SAMMSON: variants seen among roughly 807,000 people sequenced by gnomAD.
SAMMSON encodes survival associated mitochondrial melanoma specific oncogenic non-coding RNA, also known as long intergenic non-protein coding RNA 1212.
chr3:70,218,009 G>A (rs1701431126), intron 4 of SAMMSON, among the ~76,000 whole-genome samples: 1 of 152,116 alleles, frequency 6.6e-6, no homozygotes, highest in African/African-American at 2.4e-5. Context: ...ACAGGAGCGA[G>A]GGAACAGAGG....
intron 4 of SAMMSON, among the ~76,000 whole-genome samples, chr3:70,102,869 C>G (rs2067351503): frequency 6.6e-6 from 1 of 152,156 alleles, no homozygotes; most frequent in Non-Finnish European, 1.5e-5. Context: ...TTGGCCCAGC[C>G]TTATTCCCCT....
intron 9 of SAMMSON, among the ~76,000 whole-genome samples, chr3:70,361,664 G>C (rs1702871565): frequency 6.6e-6 from 1 of 152,128 alleles, no homozygotes; most frequent in South Asian, 2.1e-4. Context: ...TAAATACAAA[G>C]TTGTGCATAC....
intron 4 of SAMMSON, among the ~76,000 whole-genome samples, chr3:70,226,141 G>A (rs1240605141): frequency 6.6e-6 from 1 of 152,148 alleles, no homozygotes; most frequent in Non-Finnish European, 1.5e-5. Context: ...AGATAAATTT[G>A]AAGGAGGACA....
chr3:70,048,157 G>A (rs1238475936), intron 3 of SAMMSON, among the ~76,000 whole-genome samples: 2 of 151,882 alleles, frequency 1.3e-5, no homozygotes, highest in African/African-American at 4.8e-5. Context: ...AATACGTACT[G>A]TGCTACCGGC....
At chr3:70,104,060 G>A (rs973003361) in intron 4 of SAMMSON, among the ~76,000 whole-genome samples, 1 of 147,910 alleles carries the variant, frequency 6.8e-6, no homozygotes, top group African/African-American at 2.5e-5. Flanking sequence ...CTAAGCTTCT[G>A]TGGTAGAACG....
At chr3:70,131,039 C>T (rs968723620) in intron 4 of SAMMSON, among the ~76,000 whole-genome samples, 6 of 152,078 alleles carry the variant, frequency 3.9e-5, no homozygotes, top group African/African-American at 7.2e-5. Flanking sequence ...AGTATATAAC[C>T]ATTGTTTGGT....
chr3:70,069,487 T>C (rs2067222170), intron 3 of SAMMSON: 1 of 152,076 alleles, frequency 6.6e-6, no homozygotes, highest in African/African-American at 2.4e-5. Context: ...GCTGGACACT[T>C]ACTGTAGTAG....
chr3:70,290,802 G>T (rs142105516), intron 6 of SAMMSON, among the ~76,000 whole-genome samples: 25 of 152,292 alleles, frequency 1.6e-4, no homozygotes, highest in African/African-American at 5.5e-4. Context: ...CGCAGTATTC[G>T]GGTGGGAGTG....
chr3:70,158,541 AC>A (rs1387803002), intron 4 of SAMMSON, among the ~76,000 whole-genome samples: 1 of 148,294 alleles, frequency 6.7e-6, no homozygotes, highest in African/African-American at 2.5e-5. Flanking sequence ...TTGGGTGGAC[AC>A]TTTTTTTTTT....
At chr3:70,127,250 A>T (rs1483309904) in intron 4 of SAMMSON, 1 of 152,198 alleles carries the variant, frequency 6.6e-6, no homozygotes, top group African/African-American at 2.4e-5. Context: ...GTTTACATCC[A>T]TACTTTATCA....
At chr3:70,367,657 G>A (rs1702932060) in intron 9 of SAMMSON, among the ~76,000 whole-genome samples, 1 of 151,518 alleles carries the variant, frequency 6.6e-6, no homozygotes, top group African/African-American at 2.4e-5. Flanking sequence ...TCCATAGCTT[G>A]ACTATTGTGA....
At chr3:70,330,670 A>G (rs1457864673) in intron 7 of SAMMSON, among the ~76,000 whole-genome samples, 4 of 152,238 alleles carry the variant, frequency 2.6e-5, no homozygotes, top group African/African-American at 7.2e-5. Context: ...CTGTTGGTTT[A>G]AAAGTAACCA....
At chr3:70,258,553 T>C (rs1701838660) in intron 6 of SAMMSON, among the ~76,000 whole-genome samples, 2 of 152,158 alleles carry the variant, frequency 1.3e-5, no homozygotes, top group African/African-American at 4.8e-5. Context: ...TAAGTTAGTA[T>C]GATCTGAATT....
intron 6 of SAMMSON, among the ~76,000 whole-genome samples, chr3:70,274,056 CGTGTGT>C (rs111792704): frequency 2.8e-5 from 4 of 142,852 alleles, no homozygotes; most frequent in Non-Finnish European, 4.6e-5. Context: ...ATTAAACCTC[CGTGTGT>C]GTGTGTGTGT....
intron 4 of SAMMSON, among the ~76,000 whole-genome samples, chr3:70,242,488 C>G (rs1277833189): frequency 6.6e-6 from 1 of 152,182 alleles, no homozygotes; most frequent in African/African-American, 2.4e-5. Context: ...CTTGGACAAG[C>G]ATGATAGCTT....
chr3:70,246,446 A>G (rs1282654418), intron 4 of SAMMSON, among the ~76,000 whole-genome samples: 1 of 152,098 alleles, frequency 6.6e-6, no homozygotes, highest in Non-Finnish European at 1.5e-5. Context: ...AACAACATAG[A>G]GTGAACTCAA....
At chr3:70,179,680 A>G (rs1701035820) in intron 4 of SAMMSON, among the ~76,000 whole-genome samples, 1 of 152,218 alleles carries the variant, frequency 6.6e-6, no homozygotes, top group South Asian at 2.1e-4. Flanking sequence ...GTACTTGTAC[A>G]TGAGAGTGGC....
intron 7 of SAMMSON, among the ~76,000 whole-genome samples, chr3:70,339,911 C>T (rs1467045095): frequency 1.3e-5 from 2 of 152,120 alleles, no homozygotes; most frequent in Non-Finnish European, 2.9e-5. Context: ...TGGGTATATA[C>T]CCAAAGGATT....
At chr3:70,357,142 A>T (rs1702835956) in intron 8 of SAMMSON, among the ~76,000 whole-genome samples, 1 of 152,138 alleles carries the variant, frequency 6.6e-6, no homozygotes, top group African/African-American at 2.4e-5. Flanking sequence ...TTTAGGATGC[A>T]TTCTAATGGA....
Sources: gnomAD v4.1 joint callset for allele counts (sites outside exome capture counted in the v4.1 genomes callset) on GRCh38, gnomAD v4.1.1 for gene constraint, MANE v1.5 for transcripts, NCBI Gene and HGNC (gene_info 2026-07-23, HGNC 2026-07-21) for gene names.